DLG1: variants seen among roughly 807,000 people sequenced by gnomAD.
DLG1 encodes the protein disks large homolog 1.
DLG1 carries 42 observed loss-of-function variants against 123.4 expected under a neutral mutation model. The ratio of observed to expected loss-of-function variants is 0.34; its 90% CI spans 0.27 to 0.44. The LOEUF is 0.44. DLG1 is among the 20% of genes least tolerant of loss of function. The pLI, the probability that DLG1 is intolerant of heterozygous loss-of-function variation, is 1.00. For missense variants in DLG1, 942 were observed against 1,082.6 expected (o/e 0.87, Z 1.82); for synonymous variants, 317 against 356.2 (o/e 0.89, Z 1.24).
chr3:197,292,607 T>A (rs1360837819), intron 3 of DLG1, among the ~76,000 whole-genome samples: 1 of 152,214 alleles, frequency 6.6e-6, no homozygotes, highest in East Asian at 1.9e-4. Context: ...GTCATACTTT[T>A]GAAACTAGTA....
intron 11 of DLG1, among the ~76,000 whole-genome samples, chr3:197,120,055 T>C (rs565330700): frequency 3.3e-5 from 5 of 151,990 alleles, no homozygotes; most frequent in Admixed American, 3.3e-4. Flanking sequence ...AGGTCAGGAG[T>C]TCGCGACCAG....
chr3:197,288,362 CAAAAAAA>C (rs1290725400), intron 3 of DLG1, among the ~76,000 whole-genome samples: 3 of 45,572 alleles, frequency 6.6e-5, no homozygotes, highest in Admixed American at 2.9e-4. Context: ...GACTCCGTCT[CAAAAAAA>C]AAAAAAAAAA....
Position 197,208,796 on chromosome 3 carries a change from AGAG to A in DLG1, c.319-14210_319-14208del, listed in dbSNP as rs1042082533. On this transcript the variant is annotated intron_variant, in intron 4 of 24. Transcript: ENST00000667157. ...AACAGATAACTTTAGTTGCTTGACGAGAGGAGATTTACCCCTGGGGGAAAGAGG... is the reference window on the plus strand; with the variant it reads ...AACAGATAACTTTAGTTGCTTGACGAGAGATTTACCCCTGGGGGAAAGAGG... Among the ~76,000 whole-genome samples the A allele has an allele frequency of 4.8e-5, 7 of 145,970 alleles. 1 individual carries two copies. Among genetic ancestry groups the A allele is most frequent in the African/African-American group, 9.7e-5 (4 of 41,080 alleles).
intron 2 of DLG1, chr3:197,296,902 T>C: frequency 2.2e-6 from 1 of 448,344 alleles, no homozygotes. Flanking sequence ...TTAGTAAGAA[T>C]GATAGAGTGA....
intron 5 of DLG1, among the ~76,000 whole-genome samples, chr3:197,185,178 C>T (rs984754089): frequency 6.6e-6 from 1 of 152,196 alleles, no homozygotes; most frequent in Non-Finnish European, 1.5e-5. Context: ...AAGAGCATAT[C>T]GTAAGTCCCA....
intron 4 of DLG1, among the ~76,000 whole-genome samples, chr3:197,257,048 T>C (rs1263070532): frequency 6.6e-6 from 1 of 152,164 alleles, no homozygotes; most frequent in Non-Finnish European, 1.5e-5. Context: ...GCAGCATTTC[T>C]ATTCACTATT....
At chr3:197,157,437 G>T (rs1796860513) in intron 5 of DLG1, among the ~76,000 whole-genome samples, 1 of 151,966 alleles carries the variant, frequency 6.6e-6, no homozygotes, top group South Asian at 2.1e-4. Flanking sequence ...GCATCGAAAA[G>T]AACAAATTTT....
At chr3:197,160,371 A>C (rs2149879374) in intron 5 of DLG1, among the ~76,000 whole-genome samples, 1 of 151,596 alleles carries the variant, frequency 6.6e-6, no homozygotes, top group African/African-American at 2.4e-5. Context: ...ATTCTATTAA[A>C]AAAAAAAAAA....
chr3:197,091,542 T>G (rs984072753), intron 14 of DLG1, among the ~76,000 whole-genome samples: 1 of 151,926 alleles, frequency 6.6e-6, no homozygotes, highest in African/African-American at 2.4e-5. Flanking sequence ...TAAACAAAAT[T>G]TATTTTAACT....
chr3:197,132,446 G>A (rs1318526967), intron 10 of DLG1, among the ~76,000 whole-genome samples: 1 of 152,142 alleles, frequency 6.6e-6, no homozygotes, highest in Non-Finnish European at 1.5e-5. Flanking sequence ...ACAAAAAAAT[G>A]TAAAGGTCAC....
chr3:197,136,425 G>A, intron 10 of DLG1, 117 bp downstream of exon 10: 2 of 734,812 alleles, frequency 2.7e-6, no homozygotes, highest in Non-Finnish European at 4.4e-6. Flanking sequence ...AGCAAGGCTA[G>A]TATTTGCTAA....
At chr3:197,045,692 T>C (rs1236953099) in intron 24 of DLG1, among the ~76,000 whole-genome samples, 1 of 152,150 alleles carries the variant, frequency 6.6e-6, no homozygotes, top group Admixed American at 6.6e-5. Context: ...TGCAGTGAGC[T>C]ATGATCGTAC....
chr3:197,119,309 A>G (rs892007016), intron 12 of DLG1, 101 bp downstream of exon 12: 1 of 1,047,524 alleles, frequency 9.5e-7, no homozygotes, highest in African/African-American at 1.6e-5. Flanking sequence ...ACTGTCAATA[A>G]AATTTTTTAG....
intron 16 of DLG1, chr3:197,085,182 T>C: frequency 5.8e-6 from 1 of 171,382 alleles, no homozygotes; most frequent in Non-Finnish European, 1.2e-5. Context: ...TCAACCTAAT[T>C]AACATATCCA....
At chr3:197,198,003 T>C (rs991881376) in intron 4 of DLG1, among the ~76,000 whole-genome samples, 1 of 152,184 alleles carries the variant, frequency 6.6e-6, no homozygotes, top group Non-Finnish European at 1.5e-5. Context: ...AAAACTTAAA[T>C]ATGAGTTACA....
chr3:197,273,233 T>TA (rs1351380812), intron 4 of DLG1, among the ~76,000 whole-genome samples: 6 of 150,766 alleles, frequency 4.0e-5, no homozygotes, highest in Non-Finnish European at 7.4e-5. Context: ...TATATATATA[T>TA]TTTTTTCTTT....
chr3:197,165,366 GGA>G (rs1215084592), intron 5 of DLG1, among the ~76,000 whole-genome samples: 2 of 152,108 alleles, frequency 1.3e-5, no homozygotes, highest in African/African-American at 2.4e-5. Flanking sequence ...TTAAAGCATT[GGA>G]TTTTGTGTTT....
At chr3:197,105,905 G>A (rs1187681004) in intron 13 of DLG1, among the ~76,000 whole-genome samples, 2 of 152,100 alleles carry the variant, frequency 1.3e-5, no homozygotes, top group African/African-American at 4.8e-5. Context: ...GGAAAGGAAC[G>A]ATCATCATGC....
chr3:197,110,713 T>G (rs1769449587), intron 13 of DLG1, among the ~76,000 whole-genome samples: 1 of 152,232 alleles, frequency 6.6e-6, no homozygotes, highest in Non-Finnish European at 1.5e-5. Context: ...TATTCTTTGT[T>G]GTGTGTGGCC....
Sources: allele counts gnomAD v4.1 joint callset (sites outside exome capture counted in the v4.1 genomes callset), GRCh38; gene constraint gnomAD v4.1.1; transcripts MANE v1.5; gene names NCBI Gene and HGNC (gene_info 2026-07-23, HGNC 2026-07-21).